RGS5: variants seen among roughly 807,000 people sequenced by gnomAD.
RGS5 encodes regulator of G protein signaling 5, also known as regulator of G-protein signalling 5.
RGS5 carries 20 observed loss-of-function variants against 18.9 expected under a neutral mutation model. That is an observed-to-expected ratio of 1.06 (90% CI 0.74 to 1.54). The LOEUF is 1.54. Ranked by LOEUF, RGS5 falls within the 40% of genes most tolerant of loss-of-function variation. The probability of loss-of-function intolerance (pLI) is 0.00; values close to 1 mark genes in which losing one functional copy is unlikely to be tolerated. For missense variants in RGS5, 201 were observed against 211.8 expected (o/e 0.95, Z 0.32); for synonymous variants, 57 against 76.2 (o/e 0.75, Z 1.31).
At chr1:163,186,578 C>CAAAAAAAAAAAAAAAAAAAAA (rs34092786) in intron 1 of RGS5, among the ~76,000 whole-genome samples, 4 of 95,918 alleles carry the variant, frequency 4.2e-5, no homozygotes, top group South Asian at 3.7e-4. Flanking sequence ...GACTCTGTCT[C>CAAAAAAAAAAAAAAAAAAAAA]AAAAAAAAAA....
At chr1:163,268,300 G>A (rs142427540) in intron 2 of RGS5, among the ~76,000 whole-genome samples, 230 of 152,222 alleles carry the variant, frequency 1.5e-3, no homozygotes, top group African/African-American at 5.2e-3. Flanking sequence ...CCAGAGCCAT[G>A]GGATTCTTCC....
intron 2 of RGS5, among the ~76,000 whole-genome samples, chr1:163,271,554 T>C (rs1431808148): frequency 2.0e-5 from 3 of 152,156 alleles, no homozygotes; most frequent in Non-Finnish European, 4.4e-5. Context: ...ATTTCTGTGG[T>C]TTAGGCCACC....
intron 2 of RGS5, among the ~76,000 whole-genome samples, chr1:163,280,760 TA>T (rs969283953): frequency 2.0e-5 from 3 of 151,740 alleles, no homozygotes; most frequent in Admixed American, 6.6e-5. Flanking sequence ...TTCACAAAAA[TA>T]AAAAAAATCC....
intron 3 of RGS5, among the ~76,000 whole-genome samples, chr1:163,157,977 C>T (rs1414164102): frequency 6.6e-5 from 10 of 152,066 alleles, no homozygotes; most frequent in Admixed American, 3.3e-4. Context: ...CACACTTGGC[C>T]CCAGTTGTGA....
chr1:163,232,901 T>C (rs1263798954), intron 2 of RGS5, among the ~76,000 whole-genome samples: 1 of 152,210 alleles, frequency 6.6e-6, no homozygotes, highest in Non-Finnish European at 1.5e-5. Flanking sequence ...CACTGTATAT[T>C]GATCACATTT....
chr1:163,304,216 T>C (rs1039460570), intron 2 of RGS5: 3 of 152,194 alleles, frequency 2.0e-5, no homozygotes, highest in Non-Finnish European at 2.9e-5. Context: ...TAAAATGATC[T>C]AGGTCAGAAT....
chr1:163,155,619 G>C (rs937267215), intron 3 of RGS5, among the ~76,000 whole-genome samples: 12 of 152,160 alleles, frequency 7.9e-5, no homozygotes, highest in Non-Finnish European at 1.5e-4. Flanking sequence ...TCTCTGTTTA[G>C]TTCCTATCAC....
intron 1 of RGS5, among the ~76,000 whole-genome samples, chr1:163,189,212 G>T (rs1212215771): frequency 6.6e-6 from 1 of 152,126 alleles, no homozygotes. Context: ...ATCTTACCGT[G>T]GCAAAATTAA....
At chr1:163,163,484 G>A (rs202030222) in intron 2 of RGS5, among the ~76,000 whole-genome samples, 2 of 151,074 alleles carry the variant, frequency 1.3e-5, no homozygotes, top group African/African-American at 2.4e-5. Context: ...AGCACACAAA[G>A]AAAAAAAAAT....
At chr1:163,307,148 T>C (rs1178679965) in intron 1 of RGS5, among the ~76,000 whole-genome samples, 1 of 152,224 alleles carries the variant, frequency 6.6e-6, no homozygotes, top group African/African-American at 2.4e-5. Flanking sequence ...GATTCTGATA[T>C]GGGATAAGGT....
At chr1:163,216,747 T>A (rs1660226078) in intron 1 of RGS5, among the ~76,000 whole-genome samples, 1 of 152,202 alleles carries the variant, frequency 6.6e-6, no homozygotes, top group Non-Finnish European at 1.5e-5. Context: ...GTAGAACCAT[T>A]GTGAGCATGC....
At chr1:163,281,503 T>G (rs531199163) in intron 2 of RGS5, among the ~76,000 whole-genome samples, 31 of 152,166 alleles carry the variant, frequency 2.0e-4, no homozygotes, top group Admixed American at 1.1e-3. Context: ...TTAAACAACC[T>G]GCTCTCATGT....
At chr1:163,155,924 A>G (rs1657562502) in intron 3 of RGS5, among the ~76,000 whole-genome samples, 1 of 152,148 alleles carries the variant, frequency 6.6e-6, no homozygotes, top group African/African-American at 2.4e-5. Context: ...TTACAATTCC[A>G]GAGTTCGCCC....
intron 4 of RGS5, among the ~76,000 whole-genome samples, chr1:163,151,467 T>C (rs1159319897): frequency 6.6e-6 from 1 of 152,222 alleles, no homozygotes; most frequent in East Asian, 1.9e-4. Context: ...CTGGTTGATA[T>C]AGTTTGGCTC....
chr1:163,233,695 G>C (rs1647541536), intron 2 of RGS5, among the ~76,000 whole-genome samples: 1 of 152,160 alleles, frequency 6.6e-6, no homozygotes, highest in South Asian at 2.1e-4. Flanking sequence ...AGCAATTTTT[G>C]CAGGCAGGGG....
chr1:163,241,701 T>C (rs1377899003), intron 2 of RGS5, among the ~76,000 whole-genome samples: 1 of 152,242 alleles, frequency 6.6e-6, no homozygotes, highest in Non-Finnish European at 1.5e-5. Context: ...CAGACTTTGG[T>C]ATGGCCATTC....
Position 163,143,358 on chromosome 1 carries a change from T to C in RGS5, c.*3984A>G, listed in dbSNP as rs1386344682. 6.6e-6 allele frequency: 1 copy of C among 152,206 alleles called. No homozygotes were observed. Among genetic ancestry groups the C allele is most frequent in the Non-Finnish European group, 1.5e-5 (1 of 68,034 alleles). 9.4% of individuals were successfully genotyped at this position (152,206 alleles called of 1,614,324 possible). A position where few individuals can be genotyped will look rare whatever the true frequency, so the allele number is the denominator to read the frequency against. ...GAATTGCCTACCCCTTGGGTTTCGA[T>C]GCTTGGATGTTGGAGATTACATTTT... is the stretch of plus-strand genomic sequence containing the variant. On this transcript the variant is annotated 3_prime_UTR_variant, in exon 5 of 5. Transcript: ENST00000313961.
chr1:163,274,067 A>T (rs1051736153), intron 2 of RGS5, among the ~76,000 whole-genome samples: 14 of 152,298 alleles, frequency 9.2e-5, no homozygotes, highest in East Asian at 7.7e-4. Flanking sequence ...ATAAAAATAC[A>T]TTTGGTCTTG....
chr1:163,225,981 C>T (rs1051551818), intron 2 of RGS5, among the ~76,000 whole-genome samples: 34 of 151,386 alleles, frequency 2.2e-4, no homozygotes, highest in Admixed American at 1.2e-3. Context: ...AGTGCAATGG[C>T]GCAATCTCGG....
Sources: gnomAD v4.1 joint callset for allele counts (sites outside exome capture counted in the v4.1 genomes callset) on GRCh38, gnomAD v4.1.1 for gene constraint, MANE v1.5 for transcripts, NCBI Gene and HGNC (gene_info 2026-07-23, HGNC 2026-07-21) for gene names.